The following ASB3 variants were observed in gnomAD, a reference collection of about 807,000 sequenced individuals.
ASB3 encodes ankyrin repeat and SOCS box protein 3.
In ASB3, 41 loss-of-function variants were observed where a neutral mutation model predicts 54.5. That is an observed-to-expected ratio of 0.75 (90% CI 0.59 to 0.98). ASB3 has a LOEUF of 0.98. Among genes scored for constraint, ASB3 ranks in the 50% least tolerant of loss-of-function variants. The probability of loss-of-function intolerance (pLI) is 0.00; values close to 1 mark genes in which losing one functional copy is unlikely to be tolerated. For synonymous variants in ASB3, 266 were observed against 221.2 expected, an observed-to-expected ratio of 1.20 and a Z score of -1.80; for missense variants, 733 against 620.0, an observed-to-expected ratio of 1.18 and a Z score of -1.94.
At chr2:53,740,580 A>T (rs1318369193) in intron 3 of ASB3, among the ~76,000 whole-genome samples, 2 of 152,224 alleles carry the variant, frequency 1.3e-5, no homozygotes, top group Non-Finnish European at 2.9e-5. Flanking sequence ...CTAAAAAGTT[A>T]TATTTCTGTT....
chr2:53,760,149 C>A (rs979479222), intron 2 of ASB3, among the ~76,000 whole-genome samples: 2 of 152,062 alleles, frequency 1.3e-5, no homozygotes, highest in Admixed American at 6.5e-5. Context: ...GGAGAGACAT[C>A]CTAGGAAAAG....
At chr2:53,761,332 T>C (rs949184046) in intron 2 of ASB3, among the ~76,000 whole-genome samples, 1 of 152,050 alleles carries the variant, frequency 6.6e-6, no homozygotes, top group Non-Finnish European at 1.5e-5. Context: ...GATCAGGATA[T>C]AAACTCAGGC....
chr2:53,745,654 T>G (rs1672181408), intron 3 of ASB3, among the ~76,000 whole-genome samples: 4 of 152,238 alleles, frequency 2.6e-5, no homozygotes, highest in Admixed American at 2.6e-4. Flanking sequence ...CTAGATCCTC[T>G]GGGTTTATAT....
Position 53,765,229 on chromosome 2 carries a change from A to G in ASB3, c.196+148T>C. On this transcript the variant is annotated intron_variant, in intron 2 of 9. Transcript: ENST00000263634. ...AATTGAATCCAAGGCAGGCAATCTT[A>G]CTATCCTTAATAAATAAATTCAGGC... The G allele has an allele frequency of 3.4e-6, 4 of 1,172,314 alleles. No homozygotes were observed. In the South Asian group the frequency reaches 6.4e-5, roughly 19 times the overall value. 72.6% of individuals were successfully genotyped at this position (1,172,314 alleles called of 1,614,324 possible). A position where few individuals can be genotyped will look rare whatever the true frequency, so the allele number is the denominator to read the frequency against.
chr2:53,757,636 T>C lies in ASB3; in HGVS notation c.197-6695A>G, dbSNP rs756048370. ...CCCAAGTATTAGAGCAAGTTGTATC[T>C]CCAAAGGGATCTAAGGAAGTTCTAT... On this transcript the variant is annotated intron_variant, in intron 2 of 9. Transcript: ENST00000263634. 5.9e-4 allele frequency among the ~76,000 whole-genome samples: 90 copies of C among 152,328 alleles called. 2 individuals are homozygous for C. The highest frequency in any genetic ancestry group is 2.2e-4 in the Non-Finnish European group (15 of 68,022).
intron 9 of ASB3, among the ~76,000 whole-genome samples, chr2:53,687,311 AG>A (rs1668682193): frequency 6.6e-6 from 1 of 152,222 alleles, no homozygotes; most frequent in Non-Finnish European, 1.5e-5. Flanking sequence ...TCTAGAAATA[AG>A]GTAGAATGTA....
intron 5 of ASB3, among the ~76,000 whole-genome samples, chr2:53,720,281 A>G (rs1045859959): frequency 6.6e-6 from 1 of 152,206 alleles, no homozygotes; most frequent in Admixed American, 6.5e-5. Context: ...TATAAAACGT[A>G]TAAAACCAAG....
intron 7 of ASB3, among the ~76,000 whole-genome samples, chr2:53,702,102 C>T (rs1327752113): frequency 2.6e-5 from 4 of 152,170 alleles, no homozygotes; most frequent in African/African-American, 7.2e-5. Flanking sequence ...TACCAAAACA[C>T]ACTTTAGAAA....
intron 3 of ASB3, among the ~76,000 whole-genome samples, chr2:53,732,226 G>T (rs959696386): frequency 5.3e-5 from 8 of 152,106 alleles, no homozygotes; most frequent in African/African-American, 1.7e-4. Flanking sequence ...CTCCCAAAGT[G>T]CTGGGATTAT....
At chr2:53,704,359 CAAA>C (rs10547453) in intron 7 of ASB3, among the ~76,000 whole-genome samples, 11,135 of 110,504 alleles carry the variant, frequency 0.1, 427 homozygotes, top group East Asian at 0.19. Context: ...GAGACTGTCT[CAAA>C]AAAAAAAAAA....
chr2:53,686,949 A>G (rs1668664297), intron 9 of ASB3, among the ~76,000 whole-genome samples: 1 of 152,084 alleles, frequency 6.6e-6, no homozygotes, highest in Admixed American at 6.6e-5. Flanking sequence ...CGAACTCCCA[A>G]CCTCAGGTGA....
At chr2:53,695,336 G>A (rs1386934146) in intron 8 of ASB3, among the ~76,000 whole-genome samples, 2 of 152,046 alleles carry the variant, frequency 1.3e-5, no homozygotes, top group African/African-American at 4.8e-5. Flanking sequence ...GATGTCTTGG[G>A]AAAACATTTT....
intron 7 of ASB3, among the ~76,000 whole-genome samples, chr2:53,704,434 G>C (rs148146293): frequency 6.6e-6 from 1 of 151,272 alleles, no homozygotes; most frequent in African/African-American, 2.4e-5. Flanking sequence ...AATTGTCCTT[G>C]CTTTATAATT....
chr2:53,783,235 T>C (rs1213283037), intron 1 of ASB3, among the ~76,000 whole-genome samples: 1 of 152,070 alleles, frequency 6.6e-6, no homozygotes, highest in Non-Finnish European at 1.5e-5. Flanking sequence ...ATGCATCCAT[T>C]AAAAATAACT....
intron 8 of ASB3, 33 bp from the exon 9 acceptor site, chr2:53,694,047 A>C: frequency 6.2e-7 from 1 of 1,607,216 alleles, no homozygotes; most frequent in East Asian, 2.2e-5. Flanking sequence ...TAATATTAGA[A>C]ACAAAACATG....
intron 2 of ASB3, among the ~76,000 whole-genome samples, chr2:53,761,392 G>A (rs953680623): frequency 6.6e-6 from 1 of 151,986 alleles, no homozygotes; most frequent in Non-Finnish European, 1.5e-5. Context: ...CGTTGTATGG[G>A]GGCTCTGTTT....
chr2:53,752,425 G>C (rs1051040628), intron 2 of ASB3, among the ~76,000 whole-genome samples: 14 of 152,206 alleles, frequency 9.2e-5, no homozygotes, highest in Non-Finnish European at 1.5e-4. Flanking sequence ...TTGAATACCA[G>C]ACCACCACAC....
intron 7 of ASB3, among the ~76,000 whole-genome samples, chr2:53,709,329 C>T (rs997565588): frequency 3.3e-5 from 5 of 152,192 alleles, no homozygotes; most frequent in African/African-American, 1.2e-4. Context: ...TGGTGTTAAC[C>T]CTGTGGGTGC....
At chr2:53,695,056 G>A (rs1669113957) in intron 8 of ASB3, among the ~76,000 whole-genome samples, 1 of 151,934 alleles carries the variant, frequency 6.6e-6, no homozygotes, top group African/African-American at 2.4e-5. Context: ...AAGTCACTAG[G>A]GCTTCTAGTA....
Sources: allele counts gnomAD v4.1 joint callset (sites outside exome capture counted in the v4.1 genomes callset), GRCh38; gene constraint gnomAD v4.1.1; transcripts MANE v1.5; gene names NCBI Gene and HGNC (gene_info 2026-07-23, HGNC 2026-07-21).